BCCIP: variants seen among roughly 807,000 people sequenced by gnomAD.
BCCIP encodes the protein BRCA2 and CDKN1A-interacting protein.
In BCCIP, 23 loss-of-function variants were observed where a neutral mutation model predicts 32.8. The observed-to-expected ratio is 0.70, with a 90% CI of 0.51 to 0.99. BCCIP has a LOEUF of 0.99. Among genes scored for constraint, BCCIP ranks in the 50% least tolerant of loss-of-function variants. The pLI, the probability that BCCIP is intolerant of heterozygous loss-of-function variation, is 0.00. For missense variants in BCCIP, 378 were observed against 379.8 expected (o/e 1.00, Z 0.04); for synonymous variants, 144 against 137.6 (o/e 1.05, Z -0.33).
chr10:125,849,662 G>T (rs1028790240), intron 7 of BCCIP, among the ~76,000 whole-genome samples: 1 of 152,238 alleles, frequency 6.6e-6, no homozygotes, highest in Non-Finnish European at 1.5e-5. Flanking sequence ...CTGCGGCAGA[G>T]CTATGGGGAG....
chr10:125,850,296 C>A (rs969402088), intron 7 of BCCIP, among the ~76,000 whole-genome samples: 1 of 151,480 alleles, frequency 6.6e-6, no homozygotes, highest in Non-Finnish European at 1.5e-5. Flanking sequence ...TCTTTAATTC[C>A]TCTTTTCACC....
chr10:125,826,739 C>A (rs1854397935), intron 2 of BCCIP, 74 bp downstream of exon 2: 1 of 1,565,342 alleles, frequency 6.4e-7, no homozygotes, highest in Non-Finnish European at 8.6e-7. Context: ...GTGGTTCATG[C>A]CTATAATCTC....
rs1230653867 is a variant in BCCIP at position 125,841,648 on chromosome 10, T to C, written c.*289T>C. On this transcript the variant is annotated 3_prime_UTR_variant, in exon 7 of 7. Coordinates refer to the BCCIP transcript ENST00000299130. ...AATGAGTTGATCACTATCTCTGCTC[T>C]GTGCTCCTCAAAATATAATTTCAAA... 3.3e-6 allele frequency: 5 copies of C among 1,517,424 alleles called. No homozygotes were observed. In the East Asian group the frequency reaches 7.2e-5, roughly 22 times the overall value. The allele number at this position is 1,517,424 out of a possible 1,614,324, so 94.0% of individuals were successfully genotyped here. A position where few individuals can be genotyped will look rare whatever the true frequency, so the allele number is the denominator to read the frequency against.
At chr10:125,840,256 G>C (rs1367097501), downstream of BCCIP, among the ~76,000 whole-genome samples, 2 of 152,214 alleles carry the variant, frequency 1.3e-5, no homozygotes, top group Non-Finnish European at 1.5e-5. Context: ...TCCTGTGACA[G>C]GTAAGCTACC....
At chr10:125,833,496 G>A (rs1455165867) in intron 5 of BCCIP, among the ~76,000 whole-genome samples, 3 of 152,228 alleles carry the variant, frequency 2.0e-5, no homozygotes, top group Non-Finnish European at 2.9e-5. Flanking sequence ...GATACATTGA[G>A]TGAATTTGAG....
chr10:125,836,629 G>A, downstream of BCCIP: 6 of 1,579,638 alleles, frequency 3.8e-6, no homozygotes, highest in South Asian at 1.2e-5. Context: ...CCCATATCCA[G>A]CAGTTCAGCC....
chr10:125,852,193 T>TCA, intron 7 of BCCIP: 1 of 1,419,458 alleles, frequency 7.0e-7, no homozygotes, highest in Non-Finnish European at 9.5e-7. Context: ...CCTCCATGCT[T>TCA]GTGTGCATTG....
chr10:125,836,010 C>A, intron 6 of BCCIP, 94 bp from the exon 7 acceptor site: 1 of 1,119,224 alleles, frequency 8.9e-7, no homozygotes, highest in Non-Finnish European at 1.3e-6. Context: ...CTTATTTAAG[C>A]ATATGCCAAA....
exon 7 of BCCIP, chr10:125,841,578 C>T: frequency 7.0e-7 from 1 of 1,430,772 alleles, no homozygotes; most frequent in African/African-American, 1.4e-5. Context: ...GAAAATTTTC[C>T]TTTTCTAACC....
Position 125,830,643 on chromosome 10 carries a change from G to A in BCCIP, c.403G>A (p.Glu135Lys). Reference sequence around the variant, plus strand: ...TTTCATAAGCCTTTTAAATTTAACTGAAAGAAAGGTTGGTTTCACTGGATG... The same window carrying A: ...TTTCATAAGCCTTTTAAATTTAACTAAAAGAAAGGTTGGTTTCACTGGATG... ...FGFISLLNLT[E>K]RKGTQCVEQI... Residue 135 changes from glutamate (E) to lysine (K), a missense_variant, in exon 4 of 7, where the codon GAA becomes AAA. Physicochemically the swap from Glu to Lys is moderately conservative, Grantham distance 56. Transcript: ENST00000278100. The A allele has an allele frequency of 6.3e-7, 1 of 1,599,710 alleles. No individual in the cohort carries two copies. The highest frequency in any genetic ancestry group is 8.6e-7 in the Non-Finnish European group (1 of 1,169,518).
intron 1 of BCCIP, among the ~76,000 whole-genome samples, chr10:125,824,028 G>A (rs781731548): frequency 2.0e-5 from 3 of 152,070 alleles, no homozygotes; most frequent in Non-Finnish European, 2.9e-5. Context: ...ATCCTGAATC[G>A]GCCACCCCGG....
chr10:125,838,260 A>C, downstream of BCCIP: 22 of 1,613,368 alleles, frequency 1.4e-5, no homozygotes, highest in Non-Finnish European at 1.9e-5. Context: ...AGAAATGCTG[A>C]ATTTATGGAA....
intron 7 of BCCIP, among the ~76,000 whole-genome samples, chr10:125,850,354 C>CTTT (rs765077777): frequency 1.0e-4 from 13 of 124,556 alleles, no homozygotes; most frequent in East Asian, 6.7e-4. Flanking sequence ...TTCTTTCTTT[C>CTTT]TTTTTTTTTT....
intron 3 of BCCIP, among the ~76,000 whole-genome samples, chr10:125,829,623 T>C (rs561764842): frequency 6.0e-4 from 91 of 152,352 alleles, no homozygotes; most frequent in African/African-American, 2.1e-3. Flanking sequence ...TCTGACAATA[T>C]TAGTAACTTT....
At chr10:125,840,852 C>G (rs1854857058), downstream of BCCIP, 3 of 1,590,046 alleles carry the variant, frequency 1.9e-6, no homozygotes, top group African/African-American at 1.3e-5. Context: ...CTTACACTCA[C>G]TGCTAGAATT....
At chr10:125,850,529 G>A (rs1944077680) in intron 7 of BCCIP, among the ~76,000 whole-genome samples, 1 of 151,614 alleles carries the variant, frequency 6.6e-6, no homozygotes, top group African/African-American at 2.4e-5. Context: ...GGCTAATTTT[G>A]TTTTTAGTAG....
intron 2 of BCCIP, among the ~76,000 whole-genome samples, 173 bp from the exon 3 acceptor site, chr10:125,827,385 C>T (rs768864839): frequency 4.6e-5 from 7 of 151,908 alleles, no homozygotes; most frequent in Non-Finnish European, 8.8e-5. Flanking sequence ...CTGAAATTTC[C>T]TAATCTTTAG....
intron 7 of BCCIP, among the ~76,000 whole-genome samples, chr10:125,851,546 A>C (rs940258705): frequency 3.9e-5 from 6 of 152,200 alleles, no homozygotes; most frequent in African/African-American, 1.4e-4. Context: ...GGCTTATGAG[A>C]TGAACAGTGG....
At chr10:125,848,864 C>G (rs1944056278) in intron 7 of BCCIP, among the ~76,000 whole-genome samples, 1 of 152,168 alleles carries the variant, frequency 6.6e-6, no homozygotes, top group African/African-American at 2.4e-5. Flanking sequence ...CTCTATGAAC[C>G]AATTGCTTTG....
Sources: allele counts gnomAD v4.1 joint callset (sites outside exome capture counted in the v4.1 genomes callset), GRCh38; gene constraint gnomAD v4.1.1; transcripts MANE v1.5; gene names NCBI Gene and HGNC (gene_info 2026-07-23, HGNC 2026-07-21).